GPC6: variants seen among roughly 807,000 people sequenced by gnomAD.
GPC6 encodes glypican 6.
Under a neutral mutation model 55.2 loss-of-function variants are expected in GPC6, and 14 were observed. The observed-to-expected ratio is 0.25, with a 90% CI of 0.17 to 0.40. GPC6 has a LOEUF of 0.40. Among genes scored for constraint, GPC6 ranks in the 10% least tolerant of loss-of-function variants. GPC6 has a pLI of 1.00. For synonymous variants in GPC6, 278 were observed against 259.6 expected, an observed-to-expected ratio of 1.07 and a Z score of -0.68; for missense variants, 641 against 708.5, an observed-to-expected ratio of 0.90 and a Z score of 1.08.
At chr13:94,344,112 A>C (rs2139159849) in intron 6 of GPC6, among the ~76,000 whole-genome samples, 1 of 152,332 alleles carries the variant, frequency 6.6e-6, no homozygotes, top group Non-Finnish European at 1.5e-5. Context: ...ATGTTTATTG[A>C]CGGTGTTCTC....
Position 93,272,170 on chromosome 13 carries a change from C to T in GPC6, c.160+44554C>T, listed in dbSNP as rs151119082. Among the ~76,000 whole-genome samples the T allele has an allele frequency of 4.6e-3, 693 of 151,972 alleles. 7 individuals are homozygous for T. The highest frequency in any genetic ancestry group is 0.016 in the African/African-American group (658 of 41,468). ...AAATTGGATTGTATAAACTAGACCA[C>T]TTTGGGGCATATTATTTCTGAAATG... On this transcript the variant is annotated intron_variant, in intron 1 of 8. Transcript: ENST00000377047.
intron 2 of GPC6, among the ~76,000 whole-genome samples, chr13:93,726,362 T>G (rs2138830138): frequency 6.6e-6 from 1 of 152,158 alleles, no homozygotes; most frequent in East Asian, 1.9e-4. Context: ...GCTTCAAGTT[T>G]CCACCTTGTT....
intron 1 of GPC6, among the ~76,000 whole-genome samples, chr13:93,265,565 C>T (rs1204054548): frequency 1.3e-5 from 2 of 152,118 alleles, no homozygotes; most frequent in Non-Finnish European, 2.9e-5. Context: ...ACTTGTGTCC[C>T]ATCCCCAAGA....
chr13:93,564,371 G>C (rs1384898896), intron 2 of GPC6, among the ~76,000 whole-genome samples: 1 of 152,016 alleles, frequency 6.6e-6, no homozygotes, highest in Non-Finnish European at 1.5e-5. Flanking sequence ...ATTTGATTTG[G>C]GGAATGAAAA....
At chr13:93,676,194 T>C (rs934040453) in intron 2 of GPC6, among the ~76,000 whole-genome samples, 15 of 124,582 alleles carry the variant, frequency 1.2e-4, no homozygotes, top group Admixed American at 2.5e-4. Flanking sequence ...CACACACATA[T>C]ATATGTATGT....
In GPC6 at chr13:93,227,678, C is replaced by G; in HGVS notation, c.160+62C>G. 7.4e-7 allele frequency: 1 copy of G among 1,343,660 alleles called. No individual in the cohort carries two copies. Among genetic ancestry groups the G allele is most frequent in the Non-Finnish European group, 1.0e-6 (1 of 975,284 alleles). The allele number at this position is 1,343,660 out of a possible 1,614,324, so 83.2% of individuals were successfully genotyped here. A position where few individuals can be genotyped will look rare whatever the true frequency, so the allele number is the denominator to read the frequency against. On this transcript the variant is annotated intron_variant, in intron 1 of 8. Transcript: ENST00000377047. The surrounding 1 kb of genome is among the most constrained non-coding windows in gnomAD (Gnocchi z 4.3). ...CTCGGCTGCCGCACGTCCCACTGGCCGCCCGGCGTCCCCTTCCTTCCCCCT... is the reference window on the plus strand; with the variant it reads ...CTCGGCTGCCGCACGTCCCACTGGCGGCCCGGCGTCCCCTTCCTTCCCCCT...
At position 93,961,606 on chromosome 13, in the gene GPC6, T is replaced by A. The variant is rs547853473; in HGVS notation, c.712-66123T>A. On this transcript the variant is annotated intron_variant, in intron 3 of 8. Transcript: ENST00000377047. ...CATAGACCATCACAATTCCTTTTAG[T>A]GATGAAGGGAAACATTAGCATGCTT... Among the ~76,000 whole-genome samples, 27 of 152,328 alleles carry A rather than the reference T, an allele frequency of 1.8e-4. 1 individual carries two copies. The highest frequency in any genetic ancestry group is 6.0e-4 in the African/African-American group (25 of 41,572).
chr13:93,279,758 A>G (rs911830797), intron 1 of GPC6, among the ~76,000 whole-genome samples: 1 of 152,256 alleles, frequency 6.6e-6, no homozygotes, highest in East Asian at 1.9e-4. Context: ...ACAGAAATGT[A>G]AAGGATGTGT....
intron 4 of GPC6, among the ~76,000 whole-genome samples, chr13:94,238,387 G>A (rs1237006326): frequency 6.6e-6 from 1 of 152,132 alleles, no homozygotes; most frequent in East Asian, 1.9e-4. Context: ...TTCTGAATTT[G>A]CTTAGAAGCT....
intron 1 of GPC6, among the ~76,000 whole-genome samples, chr13:93,289,336 C>T (rs1566281759): frequency 1.3e-5 from 2 of 151,988 alleles, no homozygotes; most frequent in Admixed American, 6.6e-5. Context: ...AGTATGTGCC[C>T]TAGGGCTCAA....
chr13:93,479,507 G>A (rs1375088708), intron 1 of GPC6, among the ~76,000 whole-genome samples: 1 of 152,080 alleles, frequency 6.6e-6, no homozygotes, highest in Non-Finnish European at 1.5e-5. Context: ...TGAAGGGCTC[G>A]ACGTGGTGGC....
At chr13:93,854,742 A>G (rs935854135) in intron 3 of GPC6, among the ~76,000 whole-genome samples, 1 of 151,710 alleles carries the variant, frequency 6.6e-6, no homozygotes, top group African/African-American at 2.4e-5. Context: ...TATTTGTATC[A>G]CTTTTTGTTA....
At chr13:93,245,225 C>T (rs1051333678) in intron 1 of GPC6, among the ~76,000 whole-genome samples, 1 of 152,202 alleles carries the variant, frequency 6.6e-6, no homozygotes, top group Non-Finnish European at 1.5e-5. Context: ...TAAAATTTAA[C>T]AGTCTTCTAG....
intron 1 of GPC6, among the ~76,000 whole-genome samples, chr13:93,438,529 A>C (rs1594169559): frequency 6.6e-6 from 1 of 152,200 alleles, no homozygotes; most frequent in Non-Finnish European, 1.5e-5. Context: ...AAGTTGCTGC[A>C]TACGTGGTGG....
chr13:93,290,090 G>T (rs1383581033), intron 1 of GPC6, among the ~76,000 whole-genome samples: 1 of 152,076 alleles, frequency 6.6e-6, no homozygotes, highest in African/African-American at 2.4e-5. Context: ...ATGAAGCAAG[G>T]AGGTTAATGT....
chr13:94,127,564 C>T (rs1355927514), intron 4 of GPC6, among the ~76,000 whole-genome samples: 1 of 152,134 alleles, frequency 6.6e-6, no homozygotes, highest in Admixed American at 6.5e-5. Context: ...TACCCACTCT[C>T]AGGTGTTTCT....
chr13:93,402,867 C>T (rs1876141998), intron 1 of GPC6, among the ~76,000 whole-genome samples: 1 of 152,036 alleles, frequency 6.6e-6, no homozygotes, highest in African/African-American at 2.4e-5. Context: ...TGTTTTTGTG[C>T]CTCCTCAGAC....
chr13:94,138,693 C>G (rs1887267848), intron 4 of GPC6, among the ~76,000 whole-genome samples: 1 of 152,122 alleles, frequency 6.6e-6, no homozygotes, highest in Non-Finnish European at 1.5e-5. Context: ...AAGCTTAAGC[C>G]TACTTAAGGT....
chr13:93,717,047 T>G (rs1259333085), intron 2 of GPC6, among the ~76,000 whole-genome samples: 1 of 151,536 alleles, frequency 6.6e-6, no homozygotes, highest in African/African-American at 2.4e-5. Context: ...CTACACCATC[T>G]AGGTTTATGT....
Sources: allele counts gnomAD v4.1 joint callset (sites outside exome capture counted in the v4.1 genomes callset), GRCh38; gene constraint gnomAD v4.1.1; non-coding constraint Gnocchi (gnomAD v3.1); transcripts MANE v1.5; gene names NCBI Gene and HGNC (gene_info 2026-07-23, HGNC 2026-07-21).